The following STRN4 variants were observed in gnomAD, a reference collection of about 807,000 sequenced individuals.
STRN4 encodes striatin 4.
In STRN4, 27 loss-of-function variants were observed where a neutral mutation model predicts 77.9. The ratio of observed to expected loss-of-function variants is 0.35; its 90% CI spans 0.26 to 0.48. The LOEUF is 0.48. Among genes scored for constraint, STRN4 ranks in the 20% least tolerant of loss-of-function variants. The pLI is 0.99. For synonymous variants in STRN4, 466 were observed against 443.1 expected, an observed-to-expected ratio of 1.05 and a Z score of -0.65; for missense variants, 798 against 1,049.7, an observed-to-expected ratio of 0.76 and a Z score of 3.31.
At chr19:46,725,047 G>A (rs551968336) in intron 11 of STRN4, 119 bp from the exon 12 acceptor site, 1 of 1,463,686 alleles carries the variant, frequency 6.8e-7, no homozygotes, top group East Asian at 2.3e-5. Context: ...TCAGTGACTG[G>A]GGCTCTGGCC....
At chr19:46,728,089 G>A in intron 7 of STRN4, 82 bp from the exon 8 acceptor site, 1 of 1,269,306 alleles carries the variant, frequency 7.9e-7, no homozygotes, top group Non-Finnish European at 1.1e-6. Flanking sequence ...CCACACTGAG[G>A]GCCCCCTGCC....
At chr19:46,743,303 C>A (rs1239506388) in intron 1 of STRN4, among the ~76,000 whole-genome samples, 1 of 152,138 alleles carries the variant, frequency 6.6e-6, no homozygotes, top group Non-Finnish European at 1.5e-5. Flanking sequence ...ACTAACTTAA[C>A]AGAATAAAAG....
intron 9 of STRN4, among the ~76,000 whole-genome samples, chr19:46,727,116 C>CG (rs1239119253): frequency 6.7e-6 from 1 of 149,148 alleles, no homozygotes; most frequent in Admixed American, 6.7e-5. Flanking sequence ...CACTGAGGCC[C>CG]GGAACATTTC....
In STRN4 at chr19:46,725,212, G is replaced by A. The variant is rs569588069; in HGVS notation, c.1472+120C>T. 103 of 1,378,226 alleles carry A rather than the reference G, an allele frequency of 7.5e-5. 1 individual carries two copies. In the South Asian group the frequency reaches 1.2e-3, roughly 17 times the overall value. The allele number at this position is 1,378,226 out of a possible 1,614,324, so 85.4% of individuals were successfully genotyped here. A position where few individuals can be genotyped will look rare whatever the true frequency, so the allele number is the denominator to read the frequency against. On this transcript the variant is annotated intron_variant, in intron 11 of 17. Transcript: ENST00000263280. ...CTGTGTATATCATGAAGGGGGCGGG[G>A]ACTCAGAGCCCCCTGCTGTCCTGCC...
At chr19:46,746,069 A>T in intron 1 of STRN4, 80 bp downstream of exon 1, 6 of 1,193,990 alleles carry the variant, frequency 5.0e-6, no homozygotes, top group Non-Finnish European at 5.3e-6. Flanking sequence ...TTGCTCCAAG[A>T]TGGCGGCGGC....
At position 46,723,990 on chromosome 19, in the gene STRN4, G is replaced by A. The variant is rs2054042198; in HGVS notation, c.1595-706C>T. On this transcript the variant is annotated intron_variant, in intron 12 of 17. Coordinates refer to ENST00000263280, the MANE Select transcript of STRN4 (RefSeq NM_013403.3). This position sits in a 1 kb window ranked among gnomAD's most constrained non-coding sequence, Gnocchi z 5.5. Reference sequence around the variant, plus strand: ...GAGCCGGGCGCAGTGGCTCATGCCTGCAATCCCAGCACTTTGGGAGGCCAA... The same window carrying A: ...GAGCCGGGCGCAGTGGCTCATGCCTACAATCCCAGCACTTTGGGAGGCCAA... Among the ~76,000 whole-genome samples the A allele has an allele frequency of 6.6e-6, 1 of 152,162 alleles. No individual in the cohort carries two copies.
At position 46,738,070 on chromosome 19, in the gene STRN4, A is replaced by T; in HGVS notation, c.460+94T>A. The T allele has an allele frequency of 7.6e-7, 1 of 1,310,380 alleles. No homozygotes were observed. Among genetic ancestry groups the T allele is most frequent in the Non-Finnish European group, 1.1e-6 (1 of 903,796 alleles). The allele number at this position is 1,310,380 out of a possible 1,614,324, so 81.2% of individuals were successfully genotyped here. On this transcript the variant is annotated intron_variant, in intron 3 of 17. Transcript: ENST00000263280. The surrounding 1 kb of genome is among the most constrained non-coding windows in gnomAD (Gnocchi z 4.5). ...GGGCCGATTCTGCCTTCTAAGGAGC[A>T]AAGTGAGAAAGAGGCACCCCATCTT...
intron 1 of STRN4, among the ~76,000 whole-genome samples, chr19:46,745,362 T>C (rs529189909): frequency 6.6e-6 from 1 of 152,230 alleles, no homozygotes; most frequent in African/African-American, 2.4e-5. Context: ...CAAAGAACCC[T>C]TCCCTGCACT....
intron 6 of STRN4, among the ~76,000 whole-genome samples, chr19:46,730,068 G>C (rs986364814): frequency 1.3e-5 from 2 of 152,230 alleles, no homozygotes; most frequent in African/African-American, 2.4e-5. Context: ...ATGGGTGGAG[G>C]GGTGGAAAAG....
In STRN4 at chr19:46,733,988, A is replaced by G. The variant is rs973144410; in HGVS notation, c.540-752T>C. The stretch of plus-strand genomic sequence containing the variant: ...CTACTCCTCAGGAGGCTTCCTGGCC[A>G]GGCCGCCTTTGCCGTTCCCTGTCCC... On this transcript the variant is annotated intron_variant, in intron 4 of 17. Coordinates refer to ENST00000263280, the MANE Select transcript of STRN4 (RefSeq NM_013403.3). This position sits in a 1 kb window ranked among gnomAD's most constrained non-coding sequence, Gnocchi z 4.3. 1.3e-5 allele frequency: 2 copies of G among 152,266 alleles called. No homozygotes were observed. Among genetic ancestry groups the G allele is most frequent in the African/African-American group, 4.8e-5 (2 of 41,460 alleles). 9.4% of individuals were successfully genotyped at this position (152,266 alleles called of 1,614,324 possible). A position where few individuals can be genotyped will look rare whatever the true frequency, so the allele number is the denominator to read the frequency against.
intron 4 of STRN4, among the ~76,000 whole-genome samples, chr19:46,734,852 G>A (rs2054326993): frequency 1.3e-5 from 2 of 152,088 alleles, no homozygotes; most frequent in African/African-American, 2.4e-5. Flanking sequence ...TTTTAGTAGA[G>A]ACGGGGTTTT....
Position 46,728,716 on chromosome 19 carries a change from T to A in STRN4, c.941A>T (p.Asp314Val). The change falls in exon 7 of 18, where the codon GAT (aspartate) becomes GTT (valine). Residue 314 changes from aspartate (D) to valine (V), a missense_variant. By Grantham distance (152) the Asp-to-Val change is radical. Coordinates refer to ENST00000263280, the MANE Select transcript of STRN4 (RefSeq NM_013403.3). Reference protein sequence around the residue: ...EDEDEEDDSEDAINEFDFLGS... With the variant: ...EDEDEEDDSEVAINEFDFLGS... ...CAGGAAATCAAACTCATTGATAGCATCCTCAGAGTCGTCTTCCTCATCCTC... is the reference window on the plus strand; with the variant it reads ...CAGGAAATCAAACTCATTGATAGCAACCTCAGAGTCGTCTTCCTCATCCTC... The A allele has an allele frequency of 6.2e-7, 1 of 1,614,160 alleles. No individual in the cohort carries two copies. The highest frequency in any genetic ancestry group is 8.5e-7 in the Non-Finnish European group (1 of 1,179,998).
Position 46,738,371 on chromosome 19 carries a change from T to G in STRN4, c.387-134A>C, listed in dbSNP as rs1379313395. Reference sequence around the variant, plus strand: ...CTCGTCTACTACTGAGGCTGAAGCATCCCCCCACACCCCTGGCCTGGTGGA... The same window carrying G: ...CTCGTCTACTACTGAGGCTGAAGCAGCCCCCCACACCCCTGGCCTGGTGGA... On this transcript the variant is annotated intron_variant, in intron 2 of 17. Coordinates refer to ENST00000263280, the MANE Select transcript of STRN4 (RefSeq NM_013403.3). This position sits in a 1 kb window ranked among gnomAD's most constrained non-coding sequence, Gnocchi z 4.5. 1.1e-6 allele frequency: 1 copy of G among 871,106 alleles called. No homozygotes were observed. Among genetic ancestry groups the G allele is most frequent in the African/African-American group, 1.7e-5 (1 of 60,512 alleles). The allele number at this position is 871,106 out of a possible 1,614,324, so 54.0% of individuals were successfully genotyped here.
chr19:46,734,048 C>CG (rs1314950148), intron 4 of STRN4, among the ~76,000 whole-genome samples: 5 of 152,212 alleles, frequency 3.3e-5, no homozygotes, highest in African/African-American at 1.2e-4. Context: ...GAATGTTAGG[C>CG]TGCACGCACC....
At chr19:46,745,020 A>C in intron 1 of STRN4, among the ~76,000 whole-genome samples, 2 of 151,190 alleles carry the variant, frequency 1.3e-5, no homozygotes, top group South Asian at 2.1e-4. Flanking sequence ...CCACAAACAT[A>C]TCCCCTTCCC....
rs142342271 is a variant in STRN4, at chr19:46,745,594, C to A, written c.282+555G>T. On this transcript the variant is annotated intron_variant, in intron 1 of 17. Coordinates refer to ENST00000263280, the MANE Select transcript of STRN4 (RefSeq NM_013403.3). Reference sequence around the variant, plus strand: ...CCCATCTGGACCCGCTCTTTCCCAGCGGGTCCCAAGTTCCCCCCTTGGACG... The same window carrying A: ...CCCATCTGGACCCGCTCTTTCCCAGAGGGTCCCAAGTTCCCCCCTTGGACG... Among the ~76,000 whole-genome samples, 568 of 152,268 alleles carry A rather than the reference C, an allele frequency of 3.7e-3. 2 individuals carry two copies. Among genetic ancestry groups the A allele is most frequent in the Middle Eastern group, 0.01 (3 of 294 alleles).
At chr19:46,740,604 T>C (rs774270385) in intron 1 of STRN4, among the ~76,000 whole-genome samples, 1 of 151,196 alleles carries the variant, frequency 6.6e-6, no homozygotes, top group Non-Finnish European at 1.5e-5. Context: ...CTCCTGGGGT[T>C]TGGTGATTGA....
chr19:46,737,386 C>T (rs1014885887), intron 3 of STRN4, among the ~76,000 whole-genome samples: 2 of 152,232 alleles, frequency 1.3e-5, no homozygotes, highest in African/African-American at 4.8e-5. Context: ...TGTGCCTGGC[C>T]AGGGGCCTGG....
intron 1 of STRN4, among the ~76,000 whole-genome samples, chr19:46,742,535 T>C (rs3786706): frequency 0.61 from 93,153 of 151,974 alleles, 29,155 homozygotes; most frequent in African/African-American, 0.74. Context: ...GGTGGGTCAA[T>C]GTGGCAGAGT....
Sources: gnomAD v4.1 joint callset for allele counts (sites outside exome capture counted in the v4.1 genomes callset) on GRCh38, gnomAD v4.1.1 for gene constraint, Gnocchi (gnomAD v3.1) non-coding constraint, MANE v1.5 for transcripts, NCBI Gene and HGNC (gene_info 2026-07-23, HGNC 2026-07-21) for gene names.